The following CCDC38 variants were observed in gnomAD, a reference collection of about 807,000 sequenced individuals.
CCDC38 encodes the protein coiled-coil domain-containing protein 38.
In CCDC38, 69 loss-of-function variants were observed where a neutral mutation model predicts 72.8. The ratio of observed to expected loss-of-function variants is 0.95; its 90% confidence interval spans 0.78 to 1.16. CCDC38 has a LOEUF of 1.16. Ranked by LOEUF, CCDC38 falls within the 50% of genes most tolerant of loss-of-function variation. The pLI is 0.00. For synonymous variants in CCDC38, 201 were observed against 213.2 expected, an observed-to-expected ratio of 0.94 and a Z score of 0.50; for missense variants, 626 against 638.9, an observed-to-expected ratio of 0.98 and a Z score of 0.22.
intron 5 of CCDC38, among the ~76,000 whole-genome samples, chr12:95,902,784 A>C (rs2079963491): frequency 1.3e-5 from 2 of 152,140 alleles, no homozygotes; most frequent in African/African-American, 4.8e-5. Flanking sequence ...CTTCTATTGA[A>C]ACTATGAAAC....
chr12:95,898,391 A>C lies in CCDC38; in HGVS notation c.608T>G (p.Val203Gly). The change falls in exon 7 of 16, where the codon GTG becomes GGG. Residue 203 changes from valine to glycine, a missense_variant. By Grantham distance (109) the Val-to-Gly change is moderately radical. Coordinates refer to ENST00000344280, the MANE Select transcript of CCDC38 (RefSeq NM_182496.3). The stretch of plus-strand genomic sequence containing the variant: ...AGATTGTGCCCACCCTCACCTTTTC[A>C]CTGCTTGTACCTCCATGCTTGCTTT... ...LKKASMEVQAVKSEIAKTEFL... is the reference protein window; with the variant it reads ...LKKASMEVQAGKSEIAKTEFL... 1 of 1,614,138 alleles carries C rather than the reference A, an allele frequency of 6.2e-7. No homozygotes were observed. Among genetic ancestry groups the C allele is most frequent in the Non-Finnish European group, 8.5e-7 (1 of 1,180,016 alleles).
rs970347707 is a variant in CCDC38, at chr12:95,898,275, T to C, written c.614+110A>G. On this transcript the variant is annotated intron_variant, in intron 7 of 15. Transcript: ENST00000344280. Reference sequence around the variant, plus strand: ...ATTTTTTAAAATTCGTTCATACTTATGACATCATCAACTGATAAGGATGAT... The same window carrying C: ...ATTTTTTAAAATTCGTTCATACTTACGACATCATCAACTGATAAGGATGAT... 6 of 1,063,814 alleles carry C rather than the reference T, an allele frequency of 5.6e-6. No homozygotes were observed. The Admixed American group carries it at 9.1e-5, about 16-fold the overall frequency. 65.9% of individuals were successfully genotyped at this position (1,063,814 alleles called of 1,614,324 possible). A position where few individuals can be genotyped will look rare whatever the true frequency, so the allele number is the denominator to read the frequency against.
intron 4 of CCDC38, among the ~76,000 whole-genome samples, chr12:95,908,329 GCGCGCGCCTGCAATC>G (rs1434365147): frequency 6.7e-6 from 1 of 150,054 alleles, no homozygotes; most frequent in African/African-American, 2.5e-5. Flanking sequence ...AGGCGTGGCG[GCGCGCGCCTGCAATC>G]GCAGGCACTC....
At chr12:95,917,883 A>G (rs978423016) in intron 3 of CCDC38, among the ~76,000 whole-genome samples, 5 of 149,204 alleles carry the variant, frequency 3.4e-5, no homozygotes, top group African/African-American at 1.0e-4. Flanking sequence ...AAAAAAAAAA[A>G]GGAAATTCTA....
intron 1 of CCDC38, among the ~76,000 whole-genome samples, chr12:95,939,306 CAAG>C (rs2080425444): frequency 6.6e-6 from 1 of 152,144 alleles, no homozygotes; most frequent in Non-Finnish European, 1.5e-5. Context: ...GCCAGAGAGA[CAAG>C]AAGTCCAAGA....
chr12:95,873,418 C>G (rs1201454605), intron 13 of CCDC38, among the ~76,000 whole-genome samples: 1 of 152,188 alleles, frequency 6.6e-6, no homozygotes, highest in African/African-American at 2.4e-5. Flanking sequence ...GTATCATTTT[C>G]ACTGTTTTCG....
intron 13 of CCDC38, among the ~76,000 whole-genome samples, chr12:95,874,406 C>G (rs2079613643): frequency 6.6e-6 from 1 of 152,106 alleles, no homozygotes; most frequent in Non-Finnish European, 1.5e-5. Context: ...ACCCCCTCCC[C>G]CTTTTTTTCT....
At chr12:95,908,444 AGAG>A (rs1325413809) in intron 4 of CCDC38, among the ~76,000 whole-genome samples, 2 of 106 alleles carry the variant, frequency 0.019, no homozygotes, top group Admixed American at 0.5. Context: ...GACCGTGGAA[AGAG>A]GGAGAGGGAG....
upstream of CCDC38, chr12:95,942,662 T>G (rs2080466459): frequency 6.6e-6 from 1 of 152,100 alleles, no homozygotes; most frequent in Non-Finnish European, 1.5e-5. Flanking sequence ...CCCTACCGCA[T>G]CCCCCTCCTC....
At chr12:95,888,040 C>T (rs538665376) in intron 10 of CCDC38, among the ~76,000 whole-genome samples, 6 of 152,092 alleles carry the variant, frequency 3.9e-5, no homozygotes, top group South Asian at 2.1e-4. Context: ...GGGTTGAGAA[C>T]GAGTGACTTC....
At chr12:95,913,037 C>T (rs1380828526) in intron 4 of CCDC38, among the ~76,000 whole-genome samples, 1 of 152,018 alleles carries the variant, frequency 6.6e-6, no homozygotes, top group Non-Finnish European at 1.5e-5. Context: ...TGCATTCCAG[C>T]CTGGGTGACA....
intron 3 of CCDC38, 42 bp downstream of exon 3, chr12:95,918,834 A>T: frequency 1.5e-6 from 2 of 1,331,244 alleles, no homozygotes; most frequent in Non-Finnish European, 2.2e-6. Flanking sequence ...AGTGGATATG[A>T]TTCTAACATT....
intron 13 of CCDC38, among the ~76,000 whole-genome samples, chr12:95,873,799 C>G (rs1310907199): frequency 2.6e-5 from 4 of 152,162 alleles, no homozygotes; most frequent in Non-Finnish European, 5.9e-5. Context: ...ACAGAGCCAC[C>G]AACACAATTA....
intron 8 of CCDC38, among the ~76,000 whole-genome samples, chr12:95,891,215 C>T (rs1445931446): frequency 2.0e-5 from 3 of 152,252 alleles, no homozygotes; most frequent in Non-Finnish European, 4.4e-5. Context: ...ACTAGGACAT[C>T]TCCATTTTCA....
At chr12:95,929,224 C>G (rs10777754) in intron 2 of CCDC38, among the ~76,000 whole-genome samples, 65,736 of 152,032 alleles carry the variant, frequency 0.43, 14,587 homozygotes, top group Admixed American at 0.54. Flanking sequence ...GAGCCAGGTG[C>G]GGGATATAAT....
rs775607824 is a variant in CCDC38 at position 95,906,418 on chromosome 12, A to G, written c.338T>C (p.Ile113Thr). 3 of 1,613,552 alleles carry G rather than the reference A, an allele frequency of 1.9e-6. No homozygotes were observed. The highest frequency in any genetic ancestry group is 2.2e-5 in the South Asian group (2 of 90,988). Residue 113 changes from isoleucine (I) to threonine (T), a missense_variant, in exon 5 of 16, where the codon ATT becomes ACT. Physicochemically the swap from Ile to Thr is moderately conservative, Grantham distance 89. Transcript: ENST00000344280. ...SDTKRTVHEFINDQRDRFLLE... is the reference protein window; with the variant it reads ...SDTKRTVHEFTNDQRDRFLLE... ...CAGAAACCTGTCTCTCTGGTCATTA[A>G]TAAATTCATGGACAGTCCTTTTTGT...
At chr12:95,901,032 C>G (rs1036535748) in intron 5 of CCDC38, among the ~76,000 whole-genome samples, 1 of 152,134 alleles carries the variant, frequency 6.6e-6, no homozygotes, top group Non-Finnish European at 1.5e-5. Flanking sequence ...GGAGAACAGA[C>G]AGACTGCAGG....
At chr12:95,903,456 C>T in intron 5 of CCDC38, 1 of 700,158 alleles carries the variant, frequency 1.4e-6, no homozygotes, top group Middle Eastern at 2.9e-4. Context: ...GAAATCCTTG[C>T]CTTGTTCCTA....
chr12:95,882,644 C>T (rs2079714168), intron 10 of CCDC38, among the ~76,000 whole-genome samples: 1 of 152,132 alleles, frequency 6.6e-6, no homozygotes, highest in Admixed American at 6.6e-5. Flanking sequence ...GGTTGAGCAA[C>T]ATCACTTTCT....
Sources: gnomAD v4.1 joint callset for allele counts (sites outside exome capture counted in the v4.1 genomes callset) on GRCh38, gnomAD v4.1.1 for gene constraint, MANE v1.5 for transcripts, NCBI Gene and HGNC (gene_info 2026-07-23, HGNC 2026-07-21) for gene names.